Variants in R3HCC1L observed in about 807,000 individuals in gnomAD.
The protein encoded by R3HCC1L is R3H domain and coiled-coil containing 1 like.
R3HCC1L carries 51 observed loss-of-function variants against 59.9 expected under a neutral mutation model. The ratio of observed to expected loss-of-function variants is 0.85; its 90% confidence interval spans 0.68 to 1.07. R3HCC1L has a LOEUF of 1.07. Ranked by LOEUF, R3HCC1L falls within the 50% of genes least tolerant of loss-of-function variation. R3HCC1L has a pLI of 0.00. For synonymous variants in R3HCC1L, 322 were observed against 315.2 expected, an observed-to-expected ratio of 1.02 and a Z score of -0.23; for missense variants, 965 against 933.0, an observed-to-expected ratio of 1.03 and a Z score of -0.45.
At chr10:98,205,308 A>G (rs916196969) in intron 4 of R3HCC1L, among the ~76,000 whole-genome samples, 5 of 152,136 alleles carry the variant, frequency 3.3e-5, no homozygotes, top group Admixed American at 1.3e-4. Flanking sequence ...TGATCTCACA[A>G]TGATAACTAG....
At chr10:98,191,543 C>G (rs1020679640) in intron 4 of R3HCC1L, among the ~76,000 whole-genome samples, 20 of 152,030 alleles carry the variant, frequency 1.3e-4, no homozygotes, top group African/African-American at 4.8e-4. Context: ...TTTGTAGATT[C>G]TGGATATTAG....
At chr10:98,166,224 C>G (rs914141077) in intron 4 of R3HCC1L, among the ~76,000 whole-genome samples, 2 of 152,150 alleles carry the variant, frequency 1.3e-5, no homozygotes, top group African/African-American at 4.8e-5. Context: ...TGCTCTGTTT[C>G]TGCTGTATGA....
At chr10:98,163,515 C>G in intron 4 of R3HCC1L, 118 bp downstream of exon 4, 1 of 628,788 alleles carries the variant, frequency 1.6e-6, no homozygotes, top group Non-Finnish European at 2.4e-6. Context: ...TCATGTAAAA[C>G]AAGTTTGAAA....
chr10:98,202,524 A>G (rs1021473110), intron 4 of R3HCC1L, among the ~76,000 whole-genome samples: 2 of 152,108 alleles, frequency 1.3e-5, no homozygotes, highest in Non-Finnish European at 2.9e-5. Context: ...ACGGGAAGAC[A>G]TCAGACAAAC....
In R3HCC1L at chr10:98,228,039, CAT is replaced by C. The variant is rs915943514; in HGVS notation, c.1786-3470_1786-3469del. 5.1e-4 allele frequency among the ~76,000 whole-genome samples: 77 copies of C among 152,306 alleles called. 1 individual carries two copies. The highest frequency in any genetic ancestry group is 1.6e-3 in the African/African-American group (65 of 41,564). The stretch of plus-strand genomic sequence containing the variant: ...CTATTGTGAAAAGAGCCGCAACAAA[CAT>C]ATGTGTGCATGTGTCTTTATAGCAG... On this transcript the variant is annotated intron_variant, in intron 5 of 9. Coordinates refer to ENST00000298999, the MANE Select transcript of R3HCC1L (RefSeq NM_001351015.2).
intron 1 of R3HCC1L, among the ~76,000 whole-genome samples, chr10:98,141,352 G>A (rs1247422761): frequency 6.6e-6 from 1 of 152,166 alleles, no homozygotes; most frequent in Admixed American, 6.5e-5. Context: ...ATTTAAACAG[G>A]TCTGCCAAAT....
Position 98,158,796 on chromosome 10 carries a change from T to C in R3HCC1L, c.-213+2649T>C, listed in dbSNP as rs367649145. ...TTTAATCTGGTGCAGTTCCTGTTTTTTTCATGACATTGACTTTTTTTTTTT... is the reference window on the plus strand; with the variant it reads ...TTTAATCTGGTGCAGTTCCTGTTTTCTTCATGACATTGACTTTTTTTTTTT... On this transcript the variant is annotated intron_variant, in intron 2 of 9. Coordinates refer to ENST00000298999, the MANE Select transcript of R3HCC1L (RefSeq NM_001351015.2). Among the ~76,000 whole-genome samples, 6 of 152,092 alleles carry C rather than the reference T, an allele frequency of 3.9e-5. No homozygotes were observed. In the South Asian group the frequency reaches 1.0e-3, roughly 26 times the overall value.
chr10:98,172,409 T>C (rs1021388201), intron 4 of R3HCC1L, among the ~76,000 whole-genome samples: 2 of 152,178 alleles, frequency 1.3e-5, no homozygotes, highest in Non-Finnish European at 2.9e-5. Flanking sequence ...ACAGCAAAGC[T>C]GAGGTGTTAG....
chr10:98,205,076 TG>T (rs1852486246), intron 4 of R3HCC1L, among the ~76,000 whole-genome samples: 3 of 152,194 alleles, frequency 2.0e-5, no homozygotes, highest in Admixed American at 1.3e-4. Flanking sequence ...GCAAACTGAT[TG>T]TTAAACACAG....
chr10:98,197,480 A>C (rs930256442), intron 4 of R3HCC1L, among the ~76,000 whole-genome samples: 1 of 152,136 alleles, frequency 6.6e-6, no homozygotes, highest in Non-Finnish European at 1.5e-5. Context: ...TATACATTAT[A>C]GGATGTGTTT....
At chr10:98,158,607 T>C (rs1847108247) in intron 2 of R3HCC1L, among the ~76,000 whole-genome samples, 1 of 152,232 alleles carries the variant, frequency 6.6e-6, no homozygotes, top group African/African-American at 2.4e-5. Flanking sequence ...GACATTCTTG[T>C]ATATAAGCCA....
chr10:98,221,189 G>A (rs1273478256), intron 5 of R3HCC1L, among the ~76,000 whole-genome samples: 8 of 151,766 alleles, frequency 5.3e-5, no homozygotes, highest in East Asian at 1.9e-4. Context: ...TTTGAGAAGT[G>A]TCTGTTCATG....
At chr10:98,227,776 C>A (rs1353918666) in intron 5 of R3HCC1L, among the ~76,000 whole-genome samples, 7 of 151,362 alleles carry the variant, frequency 4.6e-5, no homozygotes, top group African/African-American at 1.7e-4. Flanking sequence ...GTCCCCCTTC[C>A]TGTGTCCAAG....
chr10:98,240,162 C>T lies in R3HCC1L; in HGVS notation c.2270-3929C>T, dbSNP rs561824663. On this transcript the variant is annotated intron_variant, in intron 9 of 9. Coordinates refer to ENST00000298999, the MANE Select transcript of R3HCC1L (RefSeq NM_001351015.2). The stretch of plus-strand genomic sequence containing the variant: ...CTCTACTAAAAATAGAAAAATTAGC[C>T]GGGCATGGTGGCGCGCACCTGTAGT... Among the ~76,000 whole-genome samples the T allele has an allele frequency of 3.1e-4, 47 of 151,934 alleles. No individual in the cohort carries two copies. The South Asian group carries it at 9.9e-3, about 32-fold the overall frequency.
chr10:98,146,386 G>C (rs1845654905), intron 1 of R3HCC1L, among the ~76,000 whole-genome samples: 1 of 152,118 alleles, frequency 6.6e-6, no homozygotes, highest in Non-Finnish European at 1.5e-5. Flanking sequence ...TCATCCTACT[G>C]ATCTATCAAA....
chr10:98,209,885 C>A lies in R3HCC1L; in HGVS notation c.1771C>A (p.Arg591Ser). ...FNDDGDCLDPRLLQELSGNTK... is the reference protein window; with the variant it reads ...FNDDGDCLDPSLLQELSGNTK... ...CGATGATGGTGACTGCCTGGATCCA[C>A]GTCTTCTACAAGAGGTATGTTTAAT... The change falls in exon 5 of 10, where the codon CGT (arginine) becomes AGT (serine). Residue 591 changes from arginine (R) to serine (S), a missense_variant. Coordinates refer to ENST00000298999, the MANE Select transcript of R3HCC1L (RefSeq NM_001351015.2). The A allele has an allele frequency of 6.2e-7, 1 of 1,610,054 alleles. No individual in the cohort carries two copies. Among genetic ancestry groups the A allele is most frequent in the African/African-American group, 1.3e-5 (1 of 74,874 alleles).
At chr10:98,218,302 T>C (rs1383195066) in intron 5 of R3HCC1L, among the ~76,000 whole-genome samples, 1 of 152,084 alleles carries the variant, frequency 6.6e-6, no homozygotes, top group African/African-American at 2.4e-5. Flanking sequence ...TGATCTAATG[T>C]ATCACATTTT....
intron 4 of R3HCC1L, among the ~76,000 whole-genome samples, chr10:98,165,057 C>T (rs931968302): frequency 2.0e-5 from 3 of 152,152 alleles, no homozygotes; most frequent in Admixed American, 6.5e-5. Context: ...GCCAGGAGTT[C>T]GAGACCAGCC....
At chr10:98,240,674 T>G (rs1857431772) in intron 9 of R3HCC1L, among the ~76,000 whole-genome samples, 1 of 152,228 alleles carries the variant, frequency 6.6e-6, no homozygotes, top group East Asian at 1.9e-4. Context: ...CTGAAAACCT[T>G]CTTTAGACTT....
Sources: allele counts gnomAD v4.1 joint callset (sites outside exome capture counted in the v4.1 genomes callset), GRCh38; gene constraint gnomAD v4.1.1; transcripts MANE v1.5; gene names NCBI Gene and HGNC (gene_info 2026-07-23, HGNC 2026-07-21).